Variants in TACC2 observed in about 807,000 individuals in gnomAD.
TACC2 encodes transforming acidic coiled-coil containing protein 2.
In TACC2, 137 loss-of-function variants were observed where a neutral mutation model predicts 227.3. That is an observed-to-expected ratio of 0.60 (90% CI 0.52 to 0.69). The LOEUF (loss-of-function observed/expected upper bound fraction) is 0.69. TACC2 is among the 30% of genes least tolerant of loss of function. The probability of loss-of-function intolerance (pLI) is 0.00; values close to 1 mark genes in which losing one functional copy is unlikely to be tolerated. For synonymous variants in TACC2, 1,523 were observed against 1,487.5 expected (o/e 1.02, Z -0.55); for missense variants, 3,470 against 3,694.4 (o/e 0.94, Z 1.57).
chr10:122,192,018 C>T (rs1266954101), intron 7 of TACC2, among the ~76,000 whole-genome samples: 2 of 152,034 alleles, frequency 1.3e-5, no homozygotes, highest in East Asian at 3.9e-4. Context: ...TATTTGAGCC[C>T]CTGGGAAACT....
intron 16 of TACC2, among the ~76,000 whole-genome samples, chr10:122,231,215 G>C (rs1414008292): frequency 2.0e-5 from 3 of 152,176 alleles, no homozygotes; most frequent in Non-Finnish European, 4.4e-5. Flanking sequence ...ATTTGAATGA[G>C]TTGCTGATGA....
intron 5 of TACC2, among the ~76,000 whole-genome samples, chr10:122,131,543 A>C (rs2088106694): frequency 6.6e-6 from 1 of 152,228 alleles, no homozygotes; most frequent in Admixed American, 6.5e-5. Context: ...TAAACTTTAA[A>C]AAATATAATT....
chr10:122,032,961 A>G (rs1400852826), intron 2 of TACC2: 1 of 491,758 alleles, frequency 2.0e-6, no homozygotes, highest in African/African-American at 2.6e-5. Context: ...CTCTGTCTCA[A>G]CAAAACAACA....
chr10:122,034,312 CAT>C (rs1379041625), intron 2 of TACC2, among the ~76,000 whole-genome samples: 1 of 152,162 alleles, frequency 6.6e-6, no homozygotes, highest in African/African-American at 2.4e-5. Context: ...CCTTTTCATA[CAT>C]GAGTTCATCT....
In TACC2 at chr10:122,143,744, G is replaced by T. The variant is rs1318645344; in HGVS notation, c.5834+38G>T. The T allele has an allele frequency of 4.4e-6, 7 of 1,601,518 alleles. No homozygotes were observed. In the African/African-American group the frequency reaches 8.0e-5, roughly 18 times the overall value. The stretch of plus-strand genomic sequence containing the variant: ...TCCCCCTCCACAGCACCTGCCCCCG[G>T]AGAGCAGGGGCCTGGTGGTCTCTGC... On this transcript the variant is annotated intron_variant, in intron 7 of 22. Transcript: ENST00000369005.
chr10:121,993,859 C>T (rs1953148660), intron 1 of TACC2, among the ~76,000 whole-genome samples: 1 of 152,140 alleles, frequency 6.6e-6, no homozygotes, highest in African/African-American at 2.4e-5. Context: ...TTCTCAAACT[C>T]CTGAGCTCAA....
intron 1 of TACC2, among the ~76,000 whole-genome samples, chr10:122,008,268 T>TATTATTATTATTATTATTATTA (rs61230073): frequency 1.3e-5 from 2 of 149,816 alleles, no homozygotes; most frequent in African/African-American, 4.9e-5. Flanking sequence ...ATTATTATTT[T>TATTATTATTATTATTATTATTA]TTTTTTTTGA....
intron 3 of TACC2, among the ~76,000 whole-genome samples, chr10:122,060,509 G>T (rs1297411123): frequency 1.3e-5 from 2 of 152,188 alleles, no homozygotes. Context: ...TGGCCTTTGA[G>T]GCCACAGACT....
intron 5 of TACC2, among the ~76,000 whole-genome samples, chr10:122,130,032 C>A (rs2087737590): frequency 6.6e-6 from 1 of 152,196 alleles, no homozygotes; most frequent in African/African-American, 2.4e-5. Context: ...GAGTCTCCCT[C>A]TGTCACCCAG....
chr10:122,051,945 G>A (rs956692816), intron 3 of TACC2: 1 of 151,810 alleles, frequency 6.6e-6, no homozygotes, highest in African/African-American at 2.4e-5. Context: ...CAATCAGATG[G>A]GGCAGAGTGT....
At chr10:122,127,558 CCAGCAGCTGGTGG>C (rs1447751882) in intron 5 of TACC2, among the ~76,000 whole-genome samples, 1 of 152,258 alleles carries the variant, frequency 6.6e-6, no homozygotes, top group South Asian at 2.1e-4. Context: ...TGGGCTGGCC[CCAGCAGCTGGTGG>C]CAGCAGCTGG....
At chr10:122,044,223 C>T (rs2074698101) in intron 2 of TACC2, among the ~76,000 whole-genome samples, 1 of 152,264 alleles carries the variant, frequency 6.6e-6, no homozygotes, top group Non-Finnish European at 1.5e-5. Context: ...AAATCCCACG[C>T]TGGCAGCCTT....
intron 18 of TACC2, among the ~76,000 whole-genome samples, chr10:122,238,538 C>T (rs982350203): frequency 1.3e-5 from 2 of 152,184 alleles, no homozygotes; most frequent in African/African-American, 4.8e-5. Flanking sequence ...ACCTCCAACT[C>T]TGCCAGGTTC....
At chr10:122,229,016 G>A (rs1279410679) in intron 14 of TACC2, among the ~76,000 whole-genome samples, 6 of 151,836 alleles carry the variant, frequency 4.0e-5, no homozygotes, top group African/African-American at 1.5e-4. Context: ...GTTATGTTAC[G>A]TTTGGAAAAC....
rs201638112 is a variant in TACC2, at chr10:122,249,652, G to A, written c.8769G>A (p.Thr2923=). The A allele has an allele frequency of 1.3e-5, 21 of 1,613,482 alleles. No individual in the cohort carries two copies. Among genetic ancestry groups the A allele is most frequent in the African/African-American group, 2.7e-5 (2 of 75,060 alleles). The change falls in exon 22 of 23, where the codon ACG becomes ACA. Residue 2923 remains threonine (T), a synonymous_variant. Transcript: ENST00000369005. The part of the protein sequence containing the change: ...EQLRVDALER[T]LEQKNKEIEE... ...TGCGAGTGGACGCCCTGGAAAGGACGCTGGAGCAGAAGGTAATAGGGGAGG... is the reference window on the plus strand; with the variant it reads ...TGCGAGTGGACGCCCTGGAAAGGACACTGGAGCAGAAGGTAATAGGGGAGG...
In TACC2 at chr10:122,075,204, G is replaced by A. The variant is rs865941809; in HGVS notation, c.147-7443G>A. ...TCTTGCTGCCAAAAAAAAAAAAAAAGAAAGAAAGAAAGAAAGTCAGCAGTA... is the reference window on the plus strand; with the variant it reads ...TCTTGCTGCCAAAAAAAAAAAAAAAAAAAGAAAGAAAGAAAGTCAGCAGTA... On this transcript the variant is annotated intron_variant, in intron 3 of 22. Coordinates refer to ENST00000369005, the MANE Select transcript of TACC2 (RefSeq NM_206862.4). 7.0e-3 allele frequency among the ~76,000 whole-genome samples: 982 copies of A among 139,400 alleles called. 9 individuals carry two copies. Among genetic ancestry groups the A allele is most frequent in the African/African-American group, 0.026 (924 of 35,486 alleles). The allele number at this position is 139,400 out of a possible 152,430, so 91.5% of individuals were successfully genotyped here.
chr10:122,001,446 C>T (rs1367523278), intron 1 of TACC2, among the ~76,000 whole-genome samples: 1 of 152,202 alleles, frequency 6.6e-6, no homozygotes, highest in African/African-American at 2.4e-5. Context: ...GACCCACCCT[C>T]ATGATTCAAT....
chr10:122,065,335 A>G (rs999046296), intron 3 of TACC2, among the ~76,000 whole-genome samples: 2 of 152,024 alleles, frequency 1.3e-5, no homozygotes, highest in African/African-American at 4.8e-5. Context: ...TTCTGTTTTC[A>G]TTTTCATTCT....
chr10:122,213,522 G>A (rs1432793826), intron 9 of TACC2: 4 of 780,168 alleles, frequency 5.1e-6, no homozygotes, highest in South Asian at 1.5e-5. Context: ...GGGGCATGGG[G>A]CTCCCCAGTA....
Sources: gnomAD v4.1 joint callset for allele counts (sites outside exome capture counted in the v4.1 genomes callset) on GRCh38, gnomAD v4.1.1 for gene constraint, MANE v1.5 for transcripts, NCBI Gene and HGNC (gene_info 2026-07-23, HGNC 2026-07-21) for gene names.